Variants in RFTN1 observed in about 807,000 individuals in gnomAD.
The protein encoded by RFTN1 is raftlin.
A neutral mutation model predicts 46.5 loss-of-function variants in RFTN1; 26 were observed. The ratio of observed to expected loss-of-function variants is 0.56; its 90% confidence interval spans 0.41 to 0.78. The LOEUF (loss-of-function observed/expected upper bound fraction) is 0.78, where lower values mean the gene tolerates loss of function less well. RFTN1 is among the 30% of genes least tolerant of loss of function. The pLI is 0.00. For synonymous variants in RFTN1, 261 were observed against 284.2 expected (o/e 0.92, Z 0.82); for missense variants, 693 against 718.7 (o/e 0.96, Z 0.41).
rs1302576379 is a variant in RFTN1 at position 16,334,181 on chromosome 3, C to CA, written c.1147-7306dup. Among the ~76,000 whole-genome samples, 1 of 152,020 alleles carries CA rather than the reference C, an allele frequency of 6.6e-6. No individual in the cohort carries two copies. The highest frequency in any genetic ancestry group is 1.5e-5 in the Non-Finnish European group (1 of 67,976). ...CTCTGTCTCAAAACAAAAACAAAAACAAAAAACAACAACAAAAAATACCCT... is the reference window on the plus strand; with the variant it reads ...CTCTGTCTCAAAACAAAAACAAAAACAAAAAAACAACAACAAAAAATACCCT... On this transcript the variant is annotated intron_variant, in intron 7 of 9. Coordinates refer to ENST00000334133, the MANE Select transcript of RFTN1 (RefSeq NM_015150.2). The surrounding 1 kb of genome is among the most constrained non-coding windows in gnomAD (Gnocchi z 4.3).
intron 1 of RFTN1, among the ~76,000 whole-genome samples, chr3:16,495,744 C>T (rs1295446682): frequency 6.6e-6 from 1 of 152,200 alleles, no homozygotes; most frequent in Non-Finnish European, 1.5e-5. Flanking sequence ...ACCACTAGCC[C>T]ATATGGTGCC....
At position 16,342,870 on chromosome 3, in the gene RFTN1, C is replaced by A. The variant is rs2071404069; in HGVS notation, c.1146+15062G>T. 6.6e-6 allele frequency among the ~76,000 whole-genome samples: 1 copy of A among 152,196 alleles called. No homozygotes were observed. The highest frequency in any genetic ancestry group is 2.4e-5 in the African/African-American group (1 of 41,446). Reference sequence around the variant, plus strand: ...AATTTTTTACATGCAGTTCCCTAATCTCCACCCCGAAGACCCACTGACTTT... The same window carrying A: ...AATTTTTTACATGCAGTTCCCTAATATCCACCCCGAAGACCCACTGACTTT... On this transcript the variant is annotated intron_variant, in intron 7 of 9. Coordinates refer to ENST00000334133, the MANE Select transcript of RFTN1 (RefSeq NM_015150.2). The surrounding 1 kb of genome is among the most constrained non-coding windows in gnomAD (Gnocchi z 4.0).
rs1160939614 is a variant in RFTN1 at position 16,345,817 on chromosome 3, T to TGTGTGTGTGTGCGCGC, written c.1146+12114_1146+12115insGCGCGCACACACACAC. On this transcript the variant is annotated intron_variant, in intron 7 of 9. Transcript: ENST00000334133. The surrounding 1 kb of genome is among the most constrained non-coding windows in gnomAD (Gnocchi z 5.2). ...GTGTGTGTGTGTGTGTGTGTGTGTG[T>TGTGTGTGTGTGCGCGC]GCGCGCGCGCGTGCGCGCACGCGCA... Among the ~76,000 whole-genome samples the TGTGTGTGTGTGCGCGC allele has an allele frequency of 1.3e-5, 1 of 74,540 alleles. No homozygotes were observed. The highest frequency in any genetic ancestry group is 5.5e-5 in the African/African-American group (1 of 18,090). The allele number at this position is 74,540 out of a possible 152,430, so 48.9% of individuals were successfully genotyped here. A position where few individuals can be genotyped will look rare whatever the true frequency, so the allele number is the denominator to read the frequency against.
At chr3:16,409,984 G>C (rs957518432) in intron 3 of RFTN1, among the ~76,000 whole-genome samples, 20 of 142,836 alleles carry the variant, frequency 1.4e-4, no homozygotes, top group Non-Finnish European at 2.3e-4. Flanking sequence ...ACTGTGCCCA[G>C]ACGCAGAATA....
At position 16,446,227 on chromosome 3, in the gene RFTN1, A is replaced by G. The variant is rs2075726851; in HGVS notation, c.146-12190T>C. Among the ~76,000 whole-genome samples the G allele has an allele frequency of 6.6e-6, 1 of 152,134 alleles. No individual in the cohort carries two copies. Among genetic ancestry groups the G allele is most frequent in the African/African-American group, 2.4e-5 (1 of 41,420 alleles). On this transcript the variant is annotated intron_variant, in intron 2 of 9. Coordinates refer to ENST00000334133, the MANE Select transcript of RFTN1 (RefSeq NM_015150.2). This position sits in a 1 kb window ranked among gnomAD's most constrained non-coding sequence, Gnocchi z 4.5. ...AGATTAGCCACAAGACCAAGATGAA[A>G]GAACCATAATGAGTCCTGGAAAAGA...
intron 4 of RFTN1, among the ~76,000 whole-genome samples, chr3:16,393,194 T>A (rs2074389875): frequency 6.6e-6 from 1 of 151,818 alleles, no homozygotes; most frequent in African/African-American, 2.4e-5. Context: ...AATACTAGGG[T>A]AGGGAGTGGC....
At chr3:16,331,141 C>T (rs575202699) in intron 7 of RFTN1, among the ~76,000 whole-genome samples, 2 of 152,324 alleles carry the variant, frequency 1.3e-5, no homozygotes, top group South Asian at 4.1e-4. Context: ...TTCCTGACAT[C>T]CACAGGACTG....
chr3:16,329,482 C>T lies in RFTN1; in HGVS notation c.1147-2606G>A, dbSNP rs921497962. On this transcript the variant is annotated intron_variant, in intron 7 of 9. Coordinates refer to ENST00000334133, the MANE Select transcript of RFTN1 (RefSeq NM_015150.2). This position sits in a 1 kb window ranked among gnomAD's most constrained non-coding sequence, Gnocchi z 4.5. ...TGCCATTCTGGTCCCTTCCCTGAAGCCTCTATCAGGCCAGAGATGGCCCAG... is the reference window on the plus strand; with the variant it reads ...TGCCATTCTGGTCCCTTCCCTGAAGTCTCTATCAGGCCAGAGATGGCCCAG... Among the ~76,000 whole-genome samples, 2 of 152,152 alleles carry T rather than the reference C, an allele frequency of 1.3e-5. No homozygotes were observed. The highest frequency in any genetic ancestry group is 2.4e-5 in the African/African-American group (1 of 41,416).
rs1338703395 is a variant in RFTN1, at chr3:16,334,207, G to A, written c.1147-7331C>T. On this transcript the variant is annotated intron_variant, in intron 7 of 9. Coordinates refer to ENST00000334133, the MANE Select transcript of RFTN1 (RefSeq NM_015150.2). This position sits in a 1 kb window ranked among gnomAD's most constrained non-coding sequence, Gnocchi z 4.3. Reference sequence around the variant, plus strand: ...AAAAAACAACAACAAAAAATACCCTGAGATACTATTTTTTCACCTATTGAA... The same window carrying A: ...AAAAAACAACAACAAAAAATACCCTAAGATACTATTTTTTCACCTATTGAA... Among the ~76,000 whole-genome samples the A allele has an allele frequency of 6.6e-6, 1 of 152,084 alleles. No homozygotes were observed. Among genetic ancestry groups the A allele is most frequent in the Non-Finnish European group, 1.5e-5 (1 of 67,988 alleles).
Position 16,327,327 on chromosome 3 carries a change from C to CAT in RFTN1, c.1147-453_1147-452dup, listed in dbSNP as rs2069806904. Among the ~76,000 whole-genome samples, 1 of 152,200 alleles carries CAT rather than the reference C, an allele frequency of 6.6e-6. No homozygotes were observed. The highest frequency in any genetic ancestry group is 2.1e-4 in the South Asian group (1 of 4,832). On this transcript the variant is annotated intron_variant, in intron 7 of 9. Coordinates refer to ENST00000334133, the MANE Select transcript of RFTN1 (RefSeq NM_015150.2). This position sits in a 1 kb window ranked among gnomAD's most constrained non-coding sequence, Gnocchi z 4.2. The stretch of plus-strand genomic sequence containing the variant: ...TTATGTCCAGCCACAGCAACACACA[C>CAT]ATGCACATCCACATGTGTGTGTACA...
chr3:16,393,998 T>C (rs2074412578), intron 4 of RFTN1, among the ~76,000 whole-genome samples: 1 of 151,902 alleles, frequency 6.6e-6, no homozygotes, highest in African/African-American at 2.4e-5. Context: ...TAAGAAAAAT[T>C]TAAAATAATT....
At position 16,352,399 on chromosome 3, in the gene RFTN1, T is replaced by C. The variant is rs1235398388; in HGVS notation, c.1146+5533A>G. Among the ~76,000 whole-genome samples the C allele has an allele frequency of 6.6e-6, 1 of 152,258 alleles. No homozygotes were observed. Among genetic ancestry groups the C allele is most frequent in the African/African-American group, 2.4e-5 (1 of 41,460 alleles). On this transcript the variant is annotated intron_variant, in intron 7 of 9. Coordinates refer to ENST00000334133, the MANE Select transcript of RFTN1 (RefSeq NM_015150.2). The surrounding 1 kb of genome is among the most constrained non-coding windows in gnomAD (Gnocchi z 4.6). The stretch of plus-strand genomic sequence containing the variant: ...CTTGCTCTTTACCTATTCATCTATG[T>C]AGTTTTTTCCTTTCCTTTCCAAGAA...
At chr3:16,368,894 A>G (rs559308502) in intron 6 of RFTN1, among the ~76,000 whole-genome samples, 17 of 152,216 alleles carry the variant, frequency 1.1e-4, no homozygotes, top group Admixed American at 3.3e-4. Flanking sequence ...CAGAACAAAC[A>G]CCTCCATCAT....
In RFTN1 at chr3:16,440,394, A is replaced by C. The variant is rs1457907487; in HGVS notation, c.146-6357T>G. Among the ~76,000 whole-genome samples, 1 of 152,176 alleles carries C rather than the reference A, an allele frequency of 6.6e-6. No individual in the cohort carries two copies. Among genetic ancestry groups the C allele is most frequent in the African/African-American group, 2.4e-5 (1 of 41,440 alleles). ...TAATTTTTGTATTTTTAGTAGAGTC[A>C]GGGTTTCACTATGTTGGCCAGGCTG... On this transcript the variant is annotated intron_variant, in intron 2 of 9. Transcript: ENST00000334133. The surrounding 1 kb of genome is among the most constrained non-coding windows in gnomAD (Gnocchi z 4.6).
intron 3 of RFTN1, among the ~76,000 whole-genome samples, chr3:16,423,174 A>T (rs1212092750): frequency 6.6e-6 from 1 of 151,692 alleles, no homozygotes; most frequent in African/African-American, 2.4e-5. Context: ...TCTCAAAAAA[A>T]AAAAAAGTTA....
At chr3:16,397,625 A>T (rs932311889) in intron 4 of RFTN1, among the ~76,000 whole-genome samples, 2 of 152,180 alleles carry the variant, frequency 1.3e-5, no homozygotes, top group African/African-American at 4.8e-5. Context: ...AAATAAATAG[A>T]AAAGAGAGAA....
Position 16,370,231 on chromosome 3 carries a change from C to T in RFTN1, c.875G>A (p.Cys292Tyr). Residue 292 changes from cysteine (C) to tyrosine (Y), a missense_variant, in exon 6 of 10, where the codon TGC becomes TAC. Cys to Tyr is a radical substitution (Grantham distance 194). Coordinates refer to ENST00000334133, the MANE Select transcript of RFTN1 (RefSeq NM_015150.2). This position sits in a 1 kb window ranked among gnomAD's most constrained non-coding sequence, Gnocchi z 5.5. ...LFNKPKSHQK[C>Y]RQYYPVTIPL... ...AATGGTGACAGGGTAGTATTGCCGG[C>T]ACTTCTGATGGCTCTTCGGTTTGTT... 1 of 1,614,192 alleles carries T rather than the reference C, an allele frequency of 6.2e-7. No homozygotes were observed. The highest frequency in any genetic ancestry group is 8.5e-7 in the Non-Finnish European group (1 of 1,180,034).
intron 3 of RFTN1, among the ~76,000 whole-genome samples, chr3:16,432,312 G>C (rs2075403845): frequency 6.6e-6 from 1 of 152,060 alleles, no homozygotes; most frequent in Non-Finnish European, 1.5e-5. Context: ...GAGCCCAGAA[G>C]TTCCAGACCA....
At chr3:16,510,928 A>G (rs2076890298) in intron 1 of RFTN1, among the ~76,000 whole-genome samples, 1 of 152,354 alleles carries the variant, frequency 6.6e-6, no homozygotes, top group Admixed American at 6.5e-5. Context: ...ATACAAACAA[A>G]CTGTGGAGTA....
Sources: gnomAD v4.1 joint callset for allele counts (sites outside exome capture counted in the v4.1 genomes callset) on GRCh38, gnomAD v4.1.1 for gene constraint, Gnocchi (gnomAD v3.1) non-coding constraint, MANE v1.5 for transcripts, NCBI Gene and HGNC (gene_info 2026-07-23, HGNC 2026-07-21) for gene names.